Variants in PXDN observed in about 807,000 individuals in gnomAD.
PXDN encodes peroxidasin.
A neutral mutation model predicts 140.3 loss-of-function variants in PXDN; 77 were observed. That is an observed-to-expected ratio of 0.55 (90% CI 0.46 to 0.66). The LOEUF is 0.66. PXDN is among the 30% of genes least tolerant of loss of function. PXDN has a pLI of 0.00. For synonymous variants in PXDN, 911 were observed against 857.4 expected, an observed-to-expected ratio of 1.06 and a Z score of -1.09; for missense variants, 1,838 against 2,039.5, an observed-to-expected ratio of 0.90 and a Z score of 1.90.
At chr2:1,655,701 T>C (rs539549096) in intron 14 of PXDN, among the ~76,000 whole-genome samples, 1 of 76,608 alleles carries the variant, frequency 1.3e-5, no homozygotes, top group Non-Finnish European at 2.5e-5. Flanking sequence ...CCCTCCTGAC[T>C]GAAACCTGCC....
upstream of PXDN, chr2:1,744,691 G>A (rs736869): frequency 0.34 from 109,763 of 324,866 alleles, 20,492 homozygotes; most frequent in East Asian, 0.62. Flanking sequence ...GGCCCGCATG[G>A]CCAAGGCGAG....
At chr2:1,726,019 G>C (rs909729629) in intron 1 of PXDN, among the ~76,000 whole-genome samples, 1 of 151,310 alleles carries the variant, frequency 6.6e-6, no homozygotes, top group Non-Finnish European at 1.5e-5. Context: ...AGTCAGTGTG[G>C]CCATTCCTCA....
At chr2:1,640,816 G>C (rs577401775) in intron 19 of PXDN, among the ~76,000 whole-genome samples, 1 of 152,322 alleles carries the variant, frequency 6.6e-6, no homozygotes, top group African/African-American at 2.4e-5. Context: ...GTCCCTGGTA[G>C]AATTACAGGG....
At chr2:1,684,172 A>G in intron 4 of PXDN, 21 bp from the exon 5 acceptor site, 1 of 1,542,620 alleles carries the variant, frequency 6.5e-7, no homozygotes. Context: ...TAAAAGAAAA[A>G]AAAGTATAAC....
chr2:1,666,667 C>T (rs1572142389), intron 9 of PXDN, among the ~76,000 whole-genome samples, 181 bp from the exon 10 acceptor site: 2 of 152,150 alleles, frequency 1.3e-5, no homozygotes, highest in South Asian at 2.1e-4. Flanking sequence ...TTCACAGCCT[C>T]GGGTCAAACA....
chr2:1,646,446 CACAG>C (rs888145116), intron 17 of PXDN, among the ~76,000 whole-genome samples: 12 of 148,652 alleles, frequency 8.1e-5, no homozygotes, highest in South Asian at 2.1e-4. Flanking sequence ...ACATAAAAAA[CACAG>C]ACAGTTCACA....
At chr2:1,637,876 CACCT>C (rs1472039990) in intron 21 of PXDN, among the ~76,000 whole-genome samples, 1 of 11,410 alleles carries the variant, frequency 8.8e-5, no homozygotes, top group Non-Finnish European at 3.5e-4. Flanking sequence ...TGGGGACTTG[CACCT>C]GGTCTCTAGG....
In PXDN at chr2:1,712,504, A is replaced by C. The variant is rs145328613; in HGVS notation, c.201-19370T>G. On this transcript the variant is annotated intron_variant, in intron 1 of 22. Coordinates refer to ENST00000252804, the MANE Select transcript of PXDN (RefSeq NM_012293.3). ...AAATGTCAGGAGCCTGGTTCATGTC[A>C]GATCACATAACCAACAAAATTCCAA... Among the ~76,000 whole-genome samples the C allele has an allele frequency of 4.0e-3, 605 of 152,358 alleles. 4 individuals are homozygous for C. Among genetic ancestry groups the C allele is most frequent in the African/African-American group, 0.013 (561 of 41,588 alleles).
intron 1 of PXDN, among the ~76,000 whole-genome samples, chr2:1,718,726 C>T (rs76774611): frequency 2.0e-5 from 3 of 152,374 alleles, no homozygotes; most frequent in East Asian, 1.9e-4. Flanking sequence ...GGTCCCTTTA[C>T]GGCTGCTGGA....
At chr2:1,733,367 C>T (rs1181004790) in intron 1 of PXDN, among the ~76,000 whole-genome samples, 1 of 152,116 alleles carries the variant, frequency 6.6e-6, no homozygotes. Flanking sequence ...TAAAAGCGGC[C>T]AGAAACACAC....
chr2:1,733,563 G>A (rs1460333523), intron 1 of PXDN, among the ~76,000 whole-genome samples: 2 of 152,052 alleles, frequency 1.3e-5, no homozygotes, highest in Non-Finnish European at 2.9e-5. Context: ...CCAACATGGT[G>A]AAATCCCGTT....
At position 1,714,792 on chromosome 2, in the gene PXDN, G is replaced by T. The variant is rs1303200315; in HGVS notation, c.201-21658C>A. Among the ~76,000 whole-genome samples the T allele has an allele frequency of 2.0e-5, 3 of 152,126 alleles. No individual in the cohort carries two copies. Among genetic ancestry groups the T allele is most frequent in the Admixed American group, 6.5e-5 (1 of 15,272 alleles). ...TAGAAATGCAAAGTGCATAGCTCTTGGGCCGGACAAACCAGGCCTGGGTCA... is the reference window on the plus strand; with the variant it reads ...TAGAAATGCAAAGTGCATAGCTCTTTGGCCGGACAAACCAGGCCTGGGTCA... On this transcript the variant is annotated intron_variant, in intron 1 of 22. Transcript: ENST00000252804. This position sits in a 1 kb window ranked among gnomAD's most constrained non-coding sequence, Gnocchi z 4.3.
chr2:1,698,262 C>CT (rs1323941147), intron 1 of PXDN, among the ~76,000 whole-genome samples: 2 of 152,196 alleles, frequency 1.3e-5, no homozygotes, highest in African/African-American at 4.8e-5. Flanking sequence ...TCCAGTGGGT[C>CT]TTATCAGCTC....
intron 1 of PXDN, among the ~76,000 whole-genome samples, chr2:1,706,508 CTGAGAG>C: frequency 6.6e-6 from 1 of 151,840 alleles, no homozygotes. Context: ...ATAATACAAT[CTGAGAG>C]CACGCTTCAG....
intron 7 of PXDN, among the ~76,000 whole-genome samples, chr2:1,679,573 T>C (rs1185941541): frequency 6.8e-6 from 1 of 147,338 alleles, no homozygotes; most frequent in Non-Finnish European, 1.5e-5. Context: ...GTAAATGGTG[T>C]GTGTGGATGG....
At chr2:1,744,609 T>G, upstream of PXDN, 1 of 626,318 alleles carries the variant, frequency 1.6e-6, no homozygotes, top group Non-Finnish European at 2.2e-6. Context: ...CCCCTCTGAA[T>G]CCCCGAGGGC....
chr2:1,743,706 GGAGGAGGAGGAA>G (rs1415755375), intron 1 of PXDN, among the ~76,000 whole-genome samples: 4 of 49,408 alleles, frequency 8.1e-5, no homozygotes, highest in Admixed American at 1.7e-4. Context: ...AGGAAGGGGA[GGAGGAGGAGGAA>G]GGGGAGGAGG....
intron 4 of PXDN, among the ~76,000 whole-genome samples, chr2:1,686,129 C>T (rs1043930268): frequency 2.0e-5 from 3 of 152,200 alleles, no homozygotes; most frequent in African/African-American, 7.2e-5. Flanking sequence ...AGGCACAAGC[C>T]ACCCTCCCTG....
Position 1,687,723 on chromosome 2 carries a change from G to A in PXDN, c.345-20C>T. 1.3e-6 allele frequency: 2 copies of A among 1,485,660 alleles called. No individual in the cohort carries two copies. Among genetic ancestry groups the A allele is most frequent in the East Asian group, 2.3e-5 (1 of 43,578 alleles). 92.0% of individuals were successfully genotyped at this position (1,485,660 alleles called of 1,614,324 possible). ...AGATAGCTGAAACAAGAAACATTGGGGAGCATTAGCACACAGACAGGAGGT... is the reference window on the plus strand; with the variant it reads ...AGATAGCTGAAACAAGAAACATTGGAGAGCATTAGCACACAGACAGGAGGT... On this transcript the variant is annotated intron_variant, in intron 3 of 22. Coordinates refer to ENST00000252804, the MANE Select transcript of PXDN (RefSeq NM_012293.3). The surrounding 1 kb of genome is among the most constrained non-coding windows in gnomAD (Gnocchi z 4.0).
Sources: gnomAD v4.1 joint callset for allele counts (sites outside exome capture counted in the v4.1 genomes callset) on GRCh38, gnomAD v4.1.1 for gene constraint, Gnocchi (gnomAD v3.1) non-coding constraint, MANE v1.5 for transcripts, NCBI Gene and HGNC (gene_info 2026-07-23, HGNC 2026-07-21) for gene names.